Variants in DPH6 observed in about 807,000 individuals in gnomAD.
DPH6 encodes the protein diphthamine biosynthesis 6, also known as diphthine--ammonia ligase.
In DPH6, 33 loss-of-function variants were observed where a neutral mutation model predicts 38.2. The observed-to-expected ratio is 0.86, with a 90% CI of 0.65 to 1.15. DPH6 has a LOEUF of 1.15. Ranked by LOEUF, DPH6 falls within the 50% of genes most tolerant of loss-of-function variation. DPH6 has a pLI of 0.00. For missense variants in DPH6, 325 were observed against 320.0 expected (o/e 1.02, Z -0.12); for synonymous variants, 108 against 103.0 (o/e 1.05, Z -0.30).
At chr15:35,185,729 T>C in the DPH6 span, among the ~76,000 whole-genome samples, 2 of 123,932 alleles carry the variant, frequency 1.6e-5, no homozygotes, top group Non-Finnish European at 3.2e-5. Context: ...CCACTCTTTT[T>C]TTTTTTTTTT....
intron 3 of DPH6, chr15:35,521,969 G>C (rs1327493157): frequency 3.1e-5 from 45 of 1,449,452 alleles, no homozygotes; most frequent in Non-Finnish European, 3.9e-5. Flanking sequence ...GCCTAGGTAA[G>C]TACTAAACTA....
intron 3 of DPH6, among the ~76,000 whole-genome samples, chr15:35,223,410 G>T (rs935351397): frequency 6.6e-6 from 1 of 152,154 alleles, no homozygotes; most frequent in African/African-American, 2.4e-5. Context: ...ATGAAGGCCG[G>T]GTGCCCTAGC....
At chr15:35,399,441 C>A (rs2053189082) in intron 6 of DPH6, among the ~76,000 whole-genome samples, 1 of 151,934 alleles carries the variant, frequency 6.6e-6, no homozygotes, top group Non-Finnish European at 1.5e-5. Flanking sequence ...TATAGAGTAA[C>A]AGAAATTCTA....
At chr15:35,541,595 A>C (rs1049204465) in intron 2 of DPH6, among the ~76,000 whole-genome samples, 4 of 152,158 alleles carry the variant, frequency 2.6e-5, no homozygotes, top group African/African-American at 9.6e-5. Context: ...GTGCAAAAAC[A>C]TGGAGCCTGG....
chr15:35,237,293 G>A, intron 3 of DPH6: 3 of 1,551,730 alleles, frequency 1.9e-6, no homozygotes, highest in Non-Finnish European at 2.7e-6. Flanking sequence ...TTGAATTCCA[G>A]CGGCGCGGGA....
At chr15:35,317,668 T>C (rs73393353) in intron 3 of DPH6, among the ~76,000 whole-genome samples, 3,686 of 149,808 alleles carry the variant, frequency 0.025, 64 homozygotes, top group African/African-American at 0.052. Flanking sequence ...ACAGAAAGAA[T>C]AAAAATGTGG....
At chr15:35,541,957 G>A (rs934690113) in intron 2 of DPH6, among the ~76,000 whole-genome samples, 1 of 152,070 alleles carries the variant, frequency 6.6e-6, no homozygotes, top group African/African-American at 2.4e-5. Flanking sequence ...TCTAAAATAG[G>A]TAAACTGTAT....
intron 3 of DPH6, among the ~76,000 whole-genome samples, chr15:35,265,478 T>C (rs1319200251): frequency 6.6e-6 from 1 of 152,210 alleles, no homozygotes; most frequent in Non-Finnish European, 1.5e-5. Flanking sequence ...ACAGATTCCT[T>C]TGCACAGGGG....
intron 6 of DPH6, among the ~76,000 whole-genome samples, chr15:35,393,681 T>C (rs2053089619): frequency 1.3e-5 from 2 of 152,152 alleles, no homozygotes; most frequent in African/African-American, 4.8e-5. Flanking sequence ...AGGATTCTTT[T>C]ATGGCCCACT....
intron 5 of DPH6, among the ~76,000 whole-genome samples, chr15:35,445,824 G>A (rs1193385897): frequency 2.0e-5 from 3 of 152,134 alleles, no homozygotes; most frequent in South Asian, 4.2e-4. Context: ...TTGCCACTGC[G>A]GTGAGCTCAA....
chr15:35,411,805 T>G (rs2053370380), intron 5 of DPH6, among the ~76,000 whole-genome samples: 1 of 151,698 alleles, frequency 6.6e-6, no homozygotes, highest in African/African-American at 2.4e-5. Context: ...TAACTGGATA[T>G]CCACATGCAA....
At chr15:35,376,616 C>T (rs764711436) in intron 7 of DPH6, among the ~76,000 whole-genome samples, 5 of 152,166 alleles carry the variant, frequency 3.3e-5, no homozygotes, top group Non-Finnish European at 5.9e-5. Flanking sequence ...CTCACTGACT[C>T]ACCCAGAGCA....
downstream of DPH6, among the ~76,000 whole-genome samples, chr15:35,327,071 G>T (rs1469500250): frequency 1.3e-5 from 2 of 152,070 alleles, no homozygotes; most frequent in Non-Finnish European, 2.9e-5. Context: ...CTAGCATTTG[G>T]GAGAAGAACT....
intron 3 of DPH6, among the ~76,000 whole-genome samples, chr15:35,482,687 A>T (rs897064387): frequency 6.6e-6 from 1 of 152,186 alleles, no homozygotes; most frequent in Non-Finnish European, 1.5e-5. Context: ...TTAAGCCCTT[A>T]CCTCACACCA....
In DPH6 at chr15:35,517,748, T is replaced by C. The variant is rs190646736; in HGVS notation, c.312+20526A>G. 8.4e-4 allele frequency among the ~76,000 whole-genome samples: 128 copies of C among 152,174 alleles called. 1 individual carries two copies. Among genetic ancestry groups the C allele is most frequent in the African/African-American group, 3.0e-3 (124 of 41,548 alleles). On this transcript the variant is annotated intron_variant, in intron 3 of 8. Coordinates refer to ENST00000256538, the MANE Select transcript of DPH6 (RefSeq NM_080650.4). ...AAGAACTTTACAAGAAAAACAACAATTTACTGAATATTGAGAACATTCAAT... is the reference window on the plus strand; with the variant it reads ...AAGAACTTTACAAGAAAAACAACAACTTACTGAATATTGAGAACATTCAAT...
chr15:35,298,501 C>A, intron 3 of DPH6: 1 of 775,204 alleles, frequency 1.3e-6, no homozygotes, highest in Non-Finnish European at 2.4e-6. Context: ...CTTCATCCAC[C>A]TTTCCCGCAC....
intron 3 of DPH6, among the ~76,000 whole-genome samples, chr15:35,359,529 G>T (rs1009356301): frequency 3.9e-5 from 6 of 152,208 alleles, no homozygotes; most frequent in African/African-American, 1.4e-4. Flanking sequence ...AGAGGACCCA[G>T]TGAGCTCCCA....
chr15:35,304,804 A>C (rs2052077145), intron 3 of DPH6, among the ~76,000 whole-genome samples: 2 of 152,022 alleles, frequency 1.3e-5, no homozygotes, highest in Non-Finnish European at 2.9e-5. Flanking sequence ...AAAAAAAAAA[A>C]AACAAAACTC....
intron 3 of DPH6, among the ~76,000 whole-genome samples, chr15:35,331,473 T>G (rs1449697322): frequency 1.3e-5 from 2 of 152,296 alleles, no homozygotes; most frequent in African/African-American, 2.4e-5. Flanking sequence ...CATTGAAAAT[T>G]TGAAACTAAA....
Sources: allele counts gnomAD v4.1 joint callset (sites outside exome capture counted in the v4.1 genomes callset), GRCh38; gene constraint gnomAD v4.1.1; transcripts MANE v1.5; gene names NCBI Gene and HGNC (gene_info 2026-07-23, HGNC 2026-07-21).